The following ENPP2 variants were observed in gnomAD, a reference collection of about 807,000 sequenced individuals.
The protein encoded by ENPP2 is autotaxin.
Under a neutral mutation model 120.2 loss-of-function variants are expected in ENPP2, and 51 were observed. The observed-to-expected ratio is 0.42, with a 90% CI of 0.34 to 0.54. The LOEUF (loss-of-function observed/expected upper bound fraction) is 0.54. Ranked by LOEUF, ENPP2 falls within the 20% of genes least tolerant of loss-of-function variation. The probability of loss-of-function intolerance (pLI) is 0.04; values close to 1 mark genes in which losing one functional copy is unlikely to be tolerated. For synonymous variants in ENPP2, 365 were observed against 366.4 expected, an observed-to-expected ratio of 1.00 and a Z score of 0.04; for missense variants, 920 against 1,066.5, an observed-to-expected ratio of 0.86 and a Z score of 1.91.
intron 2 of ENPP2, among the ~76,000 whole-genome samples, chr8:119,629,181 T>G (rs1025335821): frequency 6.6e-5 from 10 of 152,128 alleles, no homozygotes; most frequent in African/African-American, 2.4e-4. Context: ...GTACAAAATA[T>G]ATACCGTATA....
chr8:119,644,198 T>C (rs1257506322), intron 1 of ENPP2, among the ~76,000 whole-genome samples: 1 of 151,934 alleles, frequency 6.6e-6, no homozygotes, highest in South Asian at 2.1e-4. Context: ...GGTGTAGATA[T>C]GAATCAGAGG....
chr8:119,630,871 T>C (rs1816612850), intron 2 of ENPP2, among the ~76,000 whole-genome samples: 3 of 152,032 alleles, frequency 2.0e-5, no homozygotes. Context: ...CAAATAAATT[T>C]GAGCTGCTAT....
chr8:119,664,979 G>A (rs1052550162), intron 1 of ENPP2, among the ~76,000 whole-genome samples: 5 of 152,116 alleles, frequency 3.3e-5, no homozygotes, highest in African/African-American at 9.7e-5. Flanking sequence ...TCAAGGTGTC[G>A]GGCAGCAGGA....
intron 1 of ENPP2, among the ~76,000 whole-genome samples, chr8:119,666,368 A>G (rs1343474672): frequency 6.6e-6 from 1 of 152,194 alleles, no homozygotes; most frequent in African/African-American, 2.4e-5. Context: ...GTATTTTTCA[A>G]AGATCTTAGT....
intron 23 of ENPP2, 143 bp from the exon 24 acceptor site, chr8:119,563,156 C>G (rs1814113132): frequency 1.5e-6 from 1 of 661,152 alleles, no homozygotes; most frequent in Non-Finnish European, 2.6e-6. Context: ...TAAGCACTAG[C>G]CCACTTCTAT....
At chr8:119,652,209 T>G (rs146934425) in intron 1 of ENPP2, among the ~76,000 whole-genome samples, 10 of 152,296 alleles carry the variant, frequency 6.6e-5, no homozygotes, top group African/African-American at 2.4e-4. Context: ...TAAGGGTCTC[T>G]GTGGGGTCTT....
chr8:119,672,953 C>CT (rs1283390317), intron 1 of ENPP2, among the ~76,000 whole-genome samples: 1 of 152,238 alleles, frequency 6.6e-6, no homozygotes, highest in Non-Finnish European at 1.5e-5. Flanking sequence ...CGCCCGCTTG[C>CT]AGTCGAGCCG....
chr8:119,557,471 A>G lies in ENPP2; in HGVS notation c.*50T>C, dbSNP rs777296005. 23 of 1,424,736 alleles carry G rather than the reference A, an allele frequency of 1.6e-5. No individual in the cohort carries two copies. Among genetic ancestry groups the G allele is most frequent in the Non-Finnish European group, 2.2e-5 (23 of 1,037,012 alleles). 88.3% of individuals were successfully genotyped at this position (1,424,736 alleles called of 1,614,324 possible). The stretch of plus-strand genomic sequence containing the variant: ...TCAAATTAATAAATACAAAAACAAT[A>G]TAAAAATATACAACCAGTTGATAAG... On this transcript the variant is annotated 3_prime_UTR_variant, in exon 25 of 25. Coordinates refer to ENST00000075322, the MANE Select transcript of ENPP2 (RefSeq NM_001040092.3).
chr8:119,569,738 TTA>T (rs1814800371), intron 20 of ENPP2, among the ~76,000 whole-genome samples: 3 of 90,826 alleles, frequency 3.3e-5, no homozygotes, highest in South Asian at 3.5e-4. Flanking sequence ...AATAGACTAT[TTA>T]TCTGTGTGTG....
chr8:119,590,282 T>A (rs1259100476), intron 13 of ENPP2, among the ~76,000 whole-genome samples: 1 of 152,172 alleles, frequency 6.6e-6, no homozygotes, highest in African/African-American at 2.4e-5. Flanking sequence ...CTCTAAGCAA[T>A]ATGCATAGAT....
chr8:119,569,915 A>T (rs115205984), intron 20 of ENPP2, among the ~76,000 whole-genome samples: 3,898 of 152,144 alleles, frequency 0.026, 163 homozygotes, highest in African/African-American at 0.088. Context: ...CTAATTTGTG[A>T]TATATACCTA....
chr8:119,666,997 C>T (rs1423378683), intron 1 of ENPP2, among the ~76,000 whole-genome samples: 2 of 152,026 alleles, frequency 1.3e-5, no homozygotes, highest in African/African-American at 4.8e-5. Context: ...AAAAGAATGT[C>T]AGGGGTCGAG....
intron 11 of ENPP2, among the ~76,000 whole-genome samples, chr8:119,594,427 C>T (rs752548876): frequency 1.3e-5 from 2 of 152,192 alleles, no homozygotes; most frequent in Non-Finnish European, 2.9e-5. Context: ...CAAGTTATTG[C>T]TTCTCACTTT....
rs1813107080 is a variant in ENPP2, at chr8:119,586,310, T to C, written c.1243A>G (p.Lys415Glu). Reference sequence around the variant, plus strand: ...GGCTTAAAGTGCTGATCTGGTTTTTTACACTGAAATAGAAATGGAAATCAG... The same window carrying C: ...GGCTTAAAGTGCTGATCTGGTTTTTCACACTGAAATAGAAATGGAAATCAG... Reference protein sequence around the residue: ...PKAIIANLTCKKPDQHFKPYL... With the variant: ...PKAIIANLTCEKPDQHFKPYL... Residue 415 changes from lysine (K) to glutamate (E), a missense_variant, in exon 15 of 25, where the codon AAA becomes GAA. Physicochemically the swap from Lys to Glu is moderately conservative, Grantham distance 56. Coordinates refer to ENST00000075322, the MANE Select transcript of ENPP2 (RefSeq NM_001040092.3). The C allele has an allele frequency of 2.5e-6, 4 of 1,613,730 alleles. No homozygotes were observed. The highest frequency in any genetic ancestry group is 1.7e-4 in the Middle Eastern group (1 of 6,058).
intron 1 of ENPP2, among the ~76,000 whole-genome samples, chr8:119,665,392 G>C (rs1428084218): frequency 6.6e-6 from 1 of 152,190 alleles, no homozygotes; most frequent in Non-Finnish European, 1.5e-5. Context: ...TTGGAATAAG[G>C]TTTCAAGTCT....
chr8:119,662,336 A>G (rs1339038386), intron 1 of ENPP2, among the ~76,000 whole-genome samples: 1 of 152,218 alleles, frequency 6.6e-6, no homozygotes, highest in Non-Finnish European at 1.5e-5. Context: ...TAAATAAACA[A>G]TAAAGTAAAT....
At chr8:119,631,594 C>T (rs1816689466) in intron 2 of ENPP2, among the ~76,000 whole-genome samples, 1 of 151,972 alleles carries the variant, frequency 6.6e-6, no homozygotes, top group African/African-American at 2.4e-5. Flanking sequence ...ATGGAAAAGA[C>T]CATCTTGATG....
rs116339640 is a variant in ENPP2, at chr8:119,636,092, C to T, written c.136+2333G>A. On this transcript the variant is annotated intron_variant, in intron 2 of 24. Transcript: ENST00000075322. ...ACTGAGCTTCCCAGGATTTCTTTGG[C>T]GCCTAAAAATGTTGTTGGAAATAGG... 6.8e-4 allele frequency among the ~76,000 whole-genome samples: 104 copies of T among 152,284 alleles called. 2 individuals carry two copies. Among genetic ancestry groups the T allele is most frequent in the African/African-American group, 2.3e-3 (94 of 41,576 alleles).
intron 1 of ENPP2, among the ~76,000 whole-genome samples, chr8:119,650,737 C>G (rs150652298): frequency 6.6e-6 from 1 of 152,132 alleles, no homozygotes. Flanking sequence ...CTCTGCATCC[C>G]CCAGAATTAG....
Sources: allele counts gnomAD v4.1 joint callset (sites outside exome capture counted in the v4.1 genomes callset), GRCh38; gene constraint gnomAD v4.1.1; transcripts MANE v1.5; gene names NCBI Gene and HGNC (gene_info 2026-07-23, HGNC 2026-07-21).